The following MAGI1 variants were observed in gnomAD, a reference collection of about 807,000 sequenced individuals.
MAGI1 encodes membrane associated guanylate kinase, WW and PDZ domain containing 1.
In MAGI1, 58 loss-of-function variants were observed where a neutral mutation model predicts 139.9. The observed-to-expected ratio is 0.41, with a 90% CI of 0.34 to 0.52. MAGI1 has a LOEUF of 0.52. MAGI1 is among the 20% of genes least tolerant of loss of function. The probability of loss-of-function intolerance (pLI) is 0.12; values close to 1 mark genes in which losing one functional copy is unlikely to be tolerated. For missense variants in MAGI1, 1,874 were observed against 1,901.6 expected (o/e 0.99, Z 0.27); for synonymous variants, 812 against 737.9 (o/e 1.10, Z -1.63).
At chr3:65,984,512 A>ATGTATGTGTGTGTG (rs1273114460) in intron 1 of MAGI1, among the ~76,000 whole-genome samples, 8 of 140,394 alleles carry the variant, frequency 5.7e-5, no homozygotes, top group African/African-American at 1.9e-4. Flanking sequence ...TCAAAATAAA[A>ATGTATGTGTGTGTG]TGTGTGTGTG....
intron 1 of MAGI1, among the ~76,000 whole-genome samples, chr3:65,802,032 T>C (rs1379766924): frequency 1.3e-5 from 2 of 152,142 alleles, no homozygotes; most frequent in African/African-American, 4.8e-5. Context: ...AACTAATGCT[T>C]GATGGTCTGA....
At chr3:65,746,875 C>A (rs1354338481) in intron 1 of MAGI1, among the ~76,000 whole-genome samples, 1 of 152,152 alleles carries the variant, frequency 6.6e-6, no homozygotes, top group Non-Finnish European at 1.5e-5. Context: ...AAACAGAGCC[C>A]CATCTCTGGC....
intron 2 of MAGI1, among the ~76,000 whole-genome samples, chr3:65,574,932 T>C (rs1341195054): frequency 3.9e-5 from 6 of 152,062 alleles, no homozygotes; most frequent in African/African-American, 7.2e-5. Context: ...CAACTCGGAA[T>C]GGATCATAGA....
intron 1 of MAGI1, among the ~76,000 whole-genome samples, chr3:65,990,996 A>C (rs1029555400): frequency 1.3e-5 from 2 of 151,954 alleles, no homozygotes; most frequent in East Asian, 3.9e-4. Context: ...CTAAAAAATA[A>C]AAGTAAATGA....
At chr3:65,818,958 T>C (rs2041777043) in intron 1 of MAGI1, among the ~76,000 whole-genome samples, 1 of 152,160 alleles carries the variant, frequency 6.6e-6, no homozygotes, top group South Asian at 2.1e-4. Context: ...AACTGTACCC[T>C]CAGAAAAATT....
chr3:66,037,912 G>A (rs111946031), intron 1 of MAGI1, 84 bp downstream of exon 1: 961 of 1,509,024 alleles, frequency 6.4e-4, no homozygotes, highest in Non-Finnish European at 8.0e-4. Context: ...TCCGAGGAGG[G>A]AAGCAGGAAA....
At chr3:65,441,246 C>T (rs1005374353) in intron 8 of MAGI1, among the ~76,000 whole-genome samples, 3 of 152,076 alleles carry the variant, frequency 2.0e-5, no homozygotes, top group Admixed American at 2.0e-4. Flanking sequence ...CAGGCATGAG[C>T]CACCATGCCT....
rs1216812695 is a variant in MAGI1 at position 65,859,727 on chromosome 3, AC to A, written c.313+178268del. 4.1e-5 allele frequency among the ~76,000 whole-genome samples: 6 copies of A among 146,402 alleles called. No homozygotes were observed. The East Asian group carries it at 5.9e-4, about 14-fold the overall frequency. The stretch of plus-strand genomic sequence containing the variant: ...CAGAGCAAGACTCCATCTCAAAAAA[AC>A]AAAAAAAAAAAACTTTAAGGAAGCA... On this transcript the variant is annotated intron_variant, in intron 1 of 22. Coordinates refer to ENST00000402939, the MANE Select transcript of MAGI1 (RefSeq NM_001033057.2).
chr3:65,503,502 G>C (rs892783006), intron 2 of MAGI1, among the ~76,000 whole-genome samples: 1 of 152,162 alleles, frequency 6.6e-6, no homozygotes. Flanking sequence ...TCTCAACACA[G>C]TAGTGTCAGT....
chr3:65,762,034 T>G (rs1032970780), intron 1 of MAGI1, among the ~76,000 whole-genome samples: 1 of 152,056 alleles, frequency 6.6e-6, no homozygotes, highest in Non-Finnish European at 1.5e-5. Flanking sequence ...TAAAAAGTTT[T>G]CAGGAGGTCA....
intron 1 of MAGI1, among the ~76,000 whole-genome samples, chr3:65,808,782 C>A (rs1246109942): frequency 6.6e-6 from 1 of 151,164 alleles, no homozygotes; most frequent in African/African-American, 2.5e-5. Flanking sequence ...GCACCGCACA[C>A]AGGACCTACA....
At chr3:65,965,794 A>T (rs557625191) in intron 1 of MAGI1, among the ~76,000 whole-genome samples, 1 of 152,120 alleles carries the variant, frequency 6.6e-6, no homozygotes, top group East Asian at 1.9e-4. Context: ...CAGTCTGCCT[A>T]GTAGAATGCA....
chr3:65,467,153 C>T (rs1950226530), intron 5 of MAGI1, among the ~76,000 whole-genome samples: 1 of 152,192 alleles, frequency 6.6e-6, no homozygotes, highest in African/African-American at 2.4e-5. Context: ...TTTGCTCTTC[C>T]TTTCAAAGTC....
chr3:65,371,981 T>C (rs902164041), intron 18 of MAGI1: 9 of 379,948 alleles, frequency 2.4e-5, no homozygotes, highest in African/African-American at 4.2e-5. Context: ...TCCATGAAGG[T>C]TGGAATCAAC....
intron 1 of MAGI1, among the ~76,000 whole-genome samples, chr3:65,631,301 T>C (rs754019724): frequency 1.3e-5 from 2 of 152,252 alleles, no homozygotes; most frequent in Non-Finnish European, 2.9e-5. Context: ...AGAGATCTAT[T>C]AGGTATCTTT....
intron 1 of MAGI1, among the ~76,000 whole-genome samples, chr3:65,622,586 C>T (rs1046193899): frequency 1.1e-4 from 16 of 151,674 alleles, no homozygotes; most frequent in East Asian, 1.9e-4. Flanking sequence ...TTTTTTGAAA[C>T]GGAGTCTTAT....
At chr3:65,740,054 G>C (rs888866191) in intron 1 of MAGI1, among the ~76,000 whole-genome samples, 41 of 152,294 alleles carry the variant, frequency 2.7e-4, no homozygotes, top group African/African-American at 9.1e-4. Context: ...TCAAAAGGAT[G>C]TGCCTGGAAT....
At chr3:65,660,978 C>T (rs1051456080) in intron 1 of MAGI1, among the ~76,000 whole-genome samples, 4 of 152,174 alleles carry the variant, frequency 2.6e-5, no homozygotes, top group African/African-American at 4.8e-5. Flanking sequence ...TCAAACAAAA[C>T]ACTAAACTAC....
chr3:65,410,783 T>C lies in MAGI1; in HGVS notation c.2168-9313A>G, dbSNP rs566822147. 5.9e-5 allele frequency among the ~76,000 whole-genome samples: 9 copies of C among 152,274 alleles called. No individual in the cohort carries two copies. The South Asian group carries it at 1.7e-3, about 28-fold the overall frequency. On this transcript the variant is annotated intron_variant, in intron 12 of 22. Transcript: ENST00000402939. ...ATCACTGGTCATTCAAGGCTACACA[T>C]GCTAAAAATACAACGAGATCAGTCT...
Sources: allele counts gnomAD v4.1 joint callset (sites outside exome capture counted in the v4.1 genomes callset), GRCh38; gene constraint gnomAD v4.1.1; transcripts MANE v1.5; gene names NCBI Gene and HGNC (gene_info 2026-07-23, HGNC 2026-07-21).